Variants in SLC22A2 observed in about 807,000 individuals in gnomAD.
SLC22A2 encodes solute carrier family 22 member 2.
A neutral mutation model predicts 60.5 loss-of-function variants in SLC22A2; 46 were observed. The ratio of observed to expected loss-of-function variants is 0.76; its 90% confidence interval spans 0.60 to 0.97. The LOEUF (loss-of-function observed/expected upper bound fraction) is 0.97, where lower values mean the gene tolerates loss of function less well. Ranked by LOEUF, SLC22A2 falls within the 50% of genes least tolerant of loss-of-function variation. The pLI, the probability that SLC22A2 is intolerant of heterozygous loss-of-function variation, is 0.00. For missense variants in SLC22A2, 701 were observed against 706.6 expected (o/e 0.99, Z 0.09); for synonymous variants, 303 against 267.0 (o/e 1.13, Z -1.31).
chr6:160,256,730 G>A lies in SLC22A2; in HGVS notation c.415-13C>T, dbSNP rs768842852. On this transcript the variant is annotated splice_polypyrimidine_tract_variant and intron_variant, in intron 1 of 10. Transcript: ENST00000366953. Reference sequence around the variant, plus strand: ...ATACCAGGTTAAACTGCCAGCAGGGGAGAAGTGTTCCAAGTTGGGAGAGAA... The same window carrying A: ...ATACCAGGTTAAACTGCCAGCAGGGAAGAAGTGTTCCAAGTTGGGAGAGAA... The A allele has an allele frequency of 8.9e-6, 14 of 1,575,824 alleles. No individual in the cohort carries two copies. The South Asian group carries it at 1.3e-4, about 15-fold the overall frequency.
At chr6:160,245,262 G>A (rs1008903907) in intron 6 of SLC22A2, 177 bp downstream of exon 6, 6 of 486,318 alleles carry the variant, frequency 1.2e-5, no homozygotes, top group Admixed American at 7.4e-5. Context: ...GGGCTACACC[G>A]ATCTTAATAT....
At chr6:160,242,620 A>C (rs950599729) in intron 7 of SLC22A2, among the ~76,000 whole-genome samples, 1 of 151,572 alleles carries the variant, frequency 6.6e-6, no homozygotes, top group East Asian at 1.9e-4. Context: ...TAAAAAAGAT[A>C]TTTTTTTTAG....
chr6:160,256,059 C>T lies in SLC22A2; in HGVS notation c.518+555G>A, dbSNP rs868589964. 3.3e-4 allele frequency among the ~76,000 whole-genome samples: 50 copies of T among 152,260 alleles called. 1 individual carries two copies. The highest frequency in any genetic ancestry group is 2.5e-3 in the South Asian group (12 of 4,820). On this transcript the variant is annotated intron_variant, in intron 2 of 10. Transcript: ENST00000366953. Reference sequence around the variant, plus strand: ...ATTGCAGAGGTGGACATTTACCCCTCGTGTTGTAGGCAGACCCTGTTTCCC... The same window carrying T: ...ATTGCAGAGGTGGACATTTACCCCTTGTGTTGTAGGCAGACCCTGTTTCCC...
rs573489793 is a variant in SLC22A2 at position 160,217,472 on chromosome 6, A to G, written c.1628T>C (p.Ile543Thr). ...QRPRKNKEKM[I>T]YLQVQKLDIP... is the part of the protein sequence containing the mutation. ...GTCTAGTTTCTGAACTTGGAGGTAA[A>G]TCATCTTTTCTTTATTTTTTCTTGG... Residue 543 changes from isoleucine (I) to threonine (T), a missense_variant, in exon 11 of 11, where the codon ATT becomes ACT. Ile to Thr is a moderately conservative substitution (Grantham distance 89, BLOSUM62 -1). Coordinates refer to ENST00000366953, the MANE Select transcript of SLC22A2 (RefSeq NM_003058.4). 39 of 1,600,082 alleles carry G rather than the reference A, an allele frequency of 2.4e-5. No individual in the cohort carries two copies. The South Asian group carries it at 3.9e-4, about 16-fold the overall frequency.
In SLC22A2 at chr6:160,258,551, C is replaced by T. The variant is rs367567495; in HGVS notation, c.207G>A (p.Glu69=). ...GGCCCGGCACCGTGTAGTTCAGTTC[C>T]TCTGCAGGACTCCAGCCGCAGCGCA... ...LSLRCGWSPA[E]ELNYTVPGPG... is the part of the protein sequence containing the mutation. The change falls in exon 1 of 11, where the codon GAG becomes GAA. Residue 69 remains glutamate, a synonymous_variant. Coordinates refer to ENST00000366953, the MANE Select transcript of SLC22A2 (RefSeq NM_003058.4). The T allele has an allele frequency of 1.9e-6, 3 of 1,613,794 alleles. No homozygotes were observed. The highest frequency in any genetic ancestry group is 2.5e-6 in the Non-Finnish European group (3 of 1,179,878).
At chr6:160,243,822 C>T in intron 6 of SLC22A2, 36 bp from the exon 7 acceptor site, 1 of 1,485,442 alleles carries the variant, frequency 6.7e-7, no homozygotes, top group Non-Finnish European at 9.4e-7. Flanking sequence ...AAGTCAAGCA[C>T]CAAACACAGG....
At chr6:160,234,958 T>C (rs1782887381) in intron 9 of SLC22A2, among the ~76,000 whole-genome samples, 1 of 152,178 alleles carries the variant, frequency 6.6e-6, no homozygotes, top group African/African-American at 2.4e-5. Context: ...TTCCTTTCTC[T>C]GAGCAAAAAA....
intron 9 of SLC22A2, among the ~76,000 whole-genome samples, chr6:160,228,810 C>T (rs901692518): frequency 8.6e-5 from 13 of 151,870 alleles, no homozygotes; most frequent in African/African-American, 2.4e-4. Flanking sequence ...TCTCCTGGCT[C>T]GTCCTGGCTC....
At chr6:160,238,846 AC>A (rs1432787876) in intron 9 of SLC22A2, among the ~76,000 whole-genome samples, 2 of 152,186 alleles carry the variant, frequency 1.3e-5, no homozygotes, top group Admixed American at 1.3e-4. Flanking sequence ...TCAATAAAGT[AC>A]TATTTGTTAA....
At chr6:160,226,160 G>A (rs1350117819) in intron 9 of SLC22A2, among the ~76,000 whole-genome samples, 1 of 152,104 alleles carries the variant, frequency 6.6e-6, no homozygotes, top group Non-Finnish European at 1.5e-5. Flanking sequence ...TTGATAAACT[G>A]GCTTATCTGG....
chr6:160,242,853 C>A lies in SLC22A2; in HGVS notation c.1280-451G>T, dbSNP rs73782082. On this transcript the variant is annotated intron_variant, in intron 7 of 10. Coordinates refer to ENST00000366953, the MANE Select transcript of SLC22A2 (RefSeq NM_003058.4). ...GTGGTACACCTCCTGTGGGTTTGGA[C>A]AAATGCATAATGACCTGTATCCACT... Among the ~76,000 whole-genome samples, 497 of 152,260 alleles carry A rather than the reference C, an allele frequency of 3.3e-3. 2 individuals carry two copies. The highest frequency in any genetic ancestry group is 0.011 in the African/African-American group (471 of 41,562).
chr6:160,254,702 A>G (rs1783240561), intron 2 of SLC22A2, among the ~76,000 whole-genome samples: 1 of 152,218 alleles, frequency 6.6e-6, no homozygotes, highest in African/African-American at 2.4e-5. Context: ...ATGGTGTAAG[A>G]AAAAGAAGTC....
intron 2 of SLC22A2, among the ~76,000 whole-genome samples, chr6:160,256,011 G>A (rs1336253875): frequency 2.0e-5 from 3 of 152,122 alleles, no homozygotes; most frequent in Non-Finnish European, 4.4e-5. Flanking sequence ...GAGGCCTCTC[G>A]TCATCTCTCC....
At chr6:160,236,344 G>A (rs920277985) in intron 9 of SLC22A2, among the ~76,000 whole-genome samples, 4 of 152,246 alleles carry the variant, frequency 2.6e-5, no homozygotes, top group South Asian at 2.1e-4. Context: ...TGCTTAAAAC[G>A]TTGCTGATCC....
Position 160,217,487 on chromosome 6 carries a change from T to C in SLC22A2, c.1613A>G (p.Asn538Ser). The change falls in exon 11 of 11, where the codon AAT becomes AGT. Residue 538 changes from asparagine to serine, a missense_variant. Physicochemically the swap from Asn to Ser is conservative, Grantham distance 46. Coordinates refer to ENST00000366953, the MANE Select transcript of SLC22A2 (RefSeq NM_003058.4). The part of the protein sequence containing the change: ...EAENMQRPRK[N>S]KEKMIYLQVQ... ...TTGGAGGTAAATCATCTTTTCTTTA[T>C]TTTTTCTTGGTCTGCAATAAGAAAT... 1 of 1,590,742 alleles carries C rather than the reference T, an allele frequency of 6.3e-7. No homozygotes were observed. The highest frequency in any genetic ancestry group is 1.7e-4 in the Middle Eastern group (1 of 6,008).
At chr6:160,256,797 G>A (rs1232331050) in intron 1 of SLC22A2, 80 bp from the exon 2 acceptor site, 6 of 902,758 alleles carry the variant, frequency 6.6e-6, no homozygotes, top group Non-Finnish European at 1.1e-5. Flanking sequence ...ACATAACTCA[G>A]CTAGGGTACT....
At chr6:160,227,654 T>A (rs1309752179) in intron 9 of SLC22A2, among the ~76,000 whole-genome samples, 1 of 152,230 alleles carries the variant, frequency 6.6e-6, no homozygotes, top group African/African-American at 2.4e-5. Context: ...TTAGCTTTTT[T>A]CCTCGACATG....
At chr6:160,252,990 G>C (rs962179430) in intron 2 of SLC22A2, among the ~76,000 whole-genome samples, 2 of 152,224 alleles carry the variant, frequency 1.3e-5, no homozygotes, top group Non-Finnish European at 2.9e-5. Context: ...GGGTAAGTAT[G>C]ACTGCAACCC....
rs1038903022 is a variant in SLC22A2, at chr6:160,255,508, C to A, written c.518+1106G>T. Among the ~76,000 whole-genome samples the A allele has an allele frequency of 3.3e-5, 5 of 152,150 alleles. No individual in the cohort carries two copies. In the East Asian group the frequency reaches 9.6e-4, roughly 29 times the overall value. ...AGTTGGGGATGGCATGGGAGGGCAA[C>A]AAGCATAAAATGCATTGACTTTACC... On this transcript the variant is annotated intron_variant, in intron 2 of 10. Coordinates refer to ENST00000366953, the MANE Select transcript of SLC22A2 (RefSeq NM_003058.4).
Sources: allele counts gnomAD v4.1 joint callset (sites outside exome capture counted in the v4.1 genomes callset), GRCh38; gene constraint gnomAD v4.1.1; transcripts MANE v1.5; gene names NCBI Gene and HGNC (gene_info 2026-07-23, HGNC 2026-07-21).